Variants in AMIGO2 observed in about 807,000 individuals in gnomAD.
The protein encoded by AMIGO2 is adhesion molecule with Ig like domain 2.
A neutral mutation model predicts 23.7 loss-of-function variants in AMIGO2; 15 were observed. The ratio of observed to expected loss-of-function variants is 0.63; its 90% CI spans 0.42 to 0.98. The LOEUF is 0.98. Among genes scored for constraint, AMIGO2 ranks in the 50% least tolerant of loss-of-function variants. The pLI, the probability that AMIGO2 is intolerant of heterozygous loss-of-function variation, is 0.00. For synonymous variants in AMIGO2, 264 were observed against 252.3 expected (o/e 1.05, Z -0.44); for missense variants, 561 against 633.1 (o/e 0.89, Z 1.22).
chr12:47,078,970 C>G lies in AMIGO2; in HGVS notation c.33G>C (p.Leu11=). The G allele has an allele frequency of 6.2e-7, 1 of 1,612,306 alleles. No individual in the cohort carries two copies. Among genetic ancestry groups the G allele is most frequent in the African/African-American group, 1.3e-5 (1 of 75,002 alleles). The change falls in exon 3 of 3, where the codon CTG becomes CTC. Residue 11 remains leucine (L), a synonymous_variant. Coordinates refer to ENST00000550413, the MANE Select transcript of AMIGO2 (RefSeq NM_001370299.1). Reference sequence around the variant, plus strand: ...AGCCCGGTCTGACGACGGCTCCAAGCAGGGTGGGCAGAGTGTGTACACGTA... The same window carrying G: ...AGCCCGGTCTGACGACGGCTCCAAGGAGGGTGGGCAGAGTGTGTACACGTA... MSLRVHTLPT[L]LGAVVRPGCR... is the part of the protein sequence containing the mutation.
downstream of AMIGO2, chr12:47,075,867 T>C (rs1189674348): frequency 6.6e-6 from 1 of 152,152 alleles, no homozygotes; most frequent in East Asian, 1.9e-4. Context: ...TTTATGCCCA[T>C]CCCTTAAAAA....
rs1387079454 is a variant in AMIGO2, at chr12:47,078,788, C to G, written c.215G>C (p.Arg72Thr). Reference sequence around the variant, plus strand: ...AATTCTGTTATAACTCAGGTCCAGTCTCTTAATCAGTCTGAAAAGGTTCCC... The same window carrying G: ...AATTCTGTTATAACTCAGGTCCAGTGTCTTAATCAGTCTGAAAAGGTTCCC... ...VPGNLFRLIK[R>T]LDLSYNRIGL... Residue 72 changes from arginine to threonine, a missense_variant, in exon 3 of 3, where the codon AGA (arginine) becomes ACA (threonine). Physicochemically the swap from Arg to Thr is moderately conservative, Grantham distance 71 (BLOSUM62 -1). Coordinates refer to ENST00000550413, the MANE Select transcript of AMIGO2 (RefSeq NM_001370299.1). 6.2e-7 allele frequency: 1 copy of G among 1,614,216 alleles called. No individual in the cohort carries two copies. The highest frequency in any genetic ancestry group is 1.3e-5 in the African/African-American group (1 of 75,046).
chr12:47,076,381 G>A (rs774378407), downstream of AMIGO2: 75 of 152,106 alleles, frequency 4.9e-4, no homozygotes, highest in Non-Finnish European at 5.3e-4. Flanking sequence ...TCATACGGAA[G>A]GTATAAATTG....
At position 47,079,028 on chromosome 12, in the gene AMIGO2, GGTGTCTTTTC is replaced by G; in HGVS notation, c.-36_-27del. On this transcript the variant is annotated 5_prime_UTR_variant, in exon 3 of 3. Coordinates refer to ENST00000550413, the MANE Select transcript of AMIGO2 (RefSeq NM_001370299.1). ...TATGGTCGCCTCTGAGTCTCTTCCC[GGTGTCTTTTC>G]CACCGGCTCAGCCTCCCACCAGTGA... The G allele has an allele frequency of 6.5e-7, 1 of 1,536,888 alleles. No individual in the cohort carries two copies. The highest frequency in any genetic ancestry group is 8.8e-7 in the Non-Finnish European group (1 of 1,142,418).
In AMIGO2 at chr12:47,078,893, G is replaced by A; in HGVS notation, c.110C>T (p.Ala37Val). Residue 37 changes from alanine (A) to valine (V), a missense_variant, in exon 3 of 3, where the codon GCC (alanine) becomes GTC (valine). Transcript: ENST00000550413. ...LMITVTVGPGASGVCPTACIC... is the reference protein window; with the variant it reads ...LMITVTVGPGVSGVCPTACIC... ...GCAAGCGGTGGGGCACACCCCAGAG[G>A]CACCAGGGCCCACAGTCACTGTGAT... 1.2e-6 allele frequency: 2 copies of A among 1,614,164 alleles called. No homozygotes were observed. The highest frequency in any genetic ancestry group is 2.2e-5 in the South Asian group (2 of 91,080).
rs1035104121 is a variant in AMIGO2 at position 47,077,212 on chromosome 12, G to A, written c.*222C>T. 3.4e-6 allele frequency: 2 copies of A among 586,470 alleles called. No individual in the cohort carries two copies. The highest frequency in any genetic ancestry group is 3.7e-5 in the African/African-American group (2 of 53,630). The allele number at this position is 586,470 out of a possible 1,614,324, so 36.3% of individuals were successfully genotyped here. Reference sequence around the variant, plus strand: ...CAATAGTGCTAAAAGCTAAGATATTGTGATCTAGAACTTAAACTTTGGAAA... The same window carrying A: ...CAATAGTGCTAAAAGCTAAGATATTATGATCTAGAACTTAAACTTTGGAAA... On this transcript the variant is annotated 3_prime_UTR_variant, in exon 3 of 3. Transcript: ENST00000550413.
Position 47,078,857 on chromosome 12 carries a change from G to C in AMIGO2, c.146C>G (p.Thr49Ser). The change falls in exon 3 of 3, where the codon ACT becomes AGT. Residue 49 changes from threonine (T) to serine (S), a missense_variant. Thr to Ser is a moderately conservative substitution (Grantham distance 58). Coordinates refer to ENST00000550413, the MANE Select transcript of AMIGO2 (RefSeq NM_001370299.1). Reference protein sequence around the residue: ...GVCPTACICATDIVSCTNKNL... With the variant: ...GVCPTACICASDIVSCTNKNL... ...TTTGTTGGTGCAGCTGACGATGTCA[G>C]TGGCACAGATGCAAGCGGTGGGGCA... 1 of 1,614,222 alleles carries C rather than the reference G, an allele frequency of 6.2e-7. No individual in the cohort carries two copies.
downstream of AMIGO2, chr12:47,076,332 G>A (rs1025912383): frequency 9.9e-5 from 15 of 152,210 alleles, no homozygotes; most frequent in Non-Finnish European, 2.1e-4. Context: ...AGTGTTTTCT[G>A]GATCTGGCTA....
Position 47,078,822 on chromosome 12 carries a change from T to G in AMIGO2, c.181A>C (p.Lys61Gln). The change falls in exon 3 of 3, where the codon AAG becomes CAG. Residue 61 changes from lysine (K) to glutamine (Q), a missense_variant. Lys to Gln is a moderately conservative substitution (Grantham distance 53). Transcript: ENST00000550413. ...IVSCTNKNLS[K>Q]VPGNLFRLIK... ...AGTCTGAAAAGGTTCCCAGGCACCT[T>G]GGACAGGTTTTTGTTGGTGCAGCTG... 1 of 1,614,222 alleles carries G rather than the reference T, an allele frequency of 6.2e-7. No homozygotes were observed. Among genetic ancestry groups the G allele is most frequent in the Non-Finnish European group, 8.5e-7 (1 of 1,180,038 alleles).
Position 47,078,460 on chromosome 12 carries a change from C to G in AMIGO2, c.543G>C (p.Pro181=). 1 of 1,614,164 alleles carries G rather than the reference C, an allele frequency of 6.2e-7. No individual in the cohort carries two copies. The highest frequency in any genetic ancestry group is 8.5e-7 in the Non-Finnish European group (1 of 1,180,036). Residue 181 remains proline (P), a synonymous_variant, in exon 3 of 3, where the codon CCG becomes CCC. Transcript: ENST00000550413. The part of the protein sequence containing the change: ...YLSGNFLTQF[P]MDLYVGRFKL... Reference sequence around the variant, plus strand: ...TGAACCTTCCAACATACAAATCCATCGGAAACTGTGTGAGAAAATTTCCAC... The same window carrying G: ...TGAACCTTCCAACATACAAATCCATGGGAAACTGTGTGAGAAAATTTCCAC...
At position 47,077,556 on chromosome 12, in the gene AMIGO2, CT is replaced by C; in HGVS notation, c.1446del (p.Val483SerfsTer9). The C allele has an allele frequency of 1.2e-6, 2 of 1,614,228 alleles. No homozygotes were observed. Among genetic ancestry groups the C allele is most frequent in the Non-Finnish European group, 1.7e-6 (2 of 1,180,028 alleles). On this transcript the variant is annotated frameshift_variant, in exon 3 of 3. Transcript: ENST00000550413. LOFTEE classifies it high-confidence loss of function. ...LKDTAAGQNG[K>X]VRLFPSEAVI... ...ACTGCCTCGCTGGGAAAGAGCCTGA[CT>C]TTCCCGTTCTGCCCTGCTGCAGTAT...
Position 47,077,968 on chromosome 12 carries a change from A to C in AMIGO2, c.1035T>G (p.Asn345Lys). The C allele has an allele frequency of 6.2e-7, 1 of 1,613,858 alleles. No homozygotes were observed. The highest frequency in any genetic ancestry group is 8.5e-7 in the Non-Finnish European group (1 of 1,180,034). ...GAGGGCTTTCTATAACCAGACTTCCATTGTGAAACACGTAAAAGTTTTCCA... is the reference window on the plus strand; with the variant it reads ...GAGGGCTTTCTATAACCAGACTTCCCTTGTGAAACACGTAAAAGTTTTCCA... ...KEMENFYVFH[N>K]GSLVIESPRF... is the part of the protein sequence containing the mutation. The change falls in exon 3 of 3, where the codon AAT becomes AAG. Residue 345 changes from asparagine to lysine, a missense_variant. Physicochemically the swap from Asn to Lys is moderately conservative, Grantham distance 94. Transcript: ENST00000550413.
downstream of AMIGO2, chr12:47,075,909 C>T (rs906358366): frequency 1.5e-4 from 23 of 152,090 alleles, no homozygotes; most frequent in Non-Finnish European, 2.9e-5. Context: ...CAATCTTCAC[C>T]AGGGAGAATG....
rs1200131180 is a variant in AMIGO2, at chr12:47,077,491, A to G, written c.1512T>C (p.Ser504=). The change falls in exon 3 of 3, where the codon TCT becomes TCC. Residue 504 remains serine (S), a synonymous_variant. Transcript: ENST00000550413. The stretch of plus-strand genomic sequence containing the variant: ...ACACTGAATTGACTGAATCTGAGTC[A>G]GATTTCCCCCTCGTGGACTTTAGGA... ...EGILKSTRGK[S]DSDSVNSVFS... 3.7e-6 allele frequency: 6 copies of G among 1,614,202 alleles called. No homozygotes were observed. The highest frequency in any genetic ancestry group is 1.1e-5 in the South Asian group (1 of 91,078).
At position 47,077,946 on chromosome 12, in the gene AMIGO2, G is replaced by C. The variant is rs1301661187; in HGVS notation, c.1057C>G (p.Pro353Ala). 1 of 1,613,772 alleles carries C rather than the reference G, an allele frequency of 6.2e-7. No individual in the cohort carries two copies. The highest frequency in any genetic ancestry group is 1.1e-5 in the South Asian group (1 of 91,080). Residue 353 changes from proline to alanine, a missense_variant, in exon 3 of 3, where the codon CCT (proline) becomes GCT (alanine). Transcript: ENST00000550413. ...TACACTCCAGCATCCTCAAAACGAG[G>C]GCTTTCTATAACCAGACTTCCATTG... ...FHNGSLVIESPRFEDAGVYSC... is the reference protein window; with the variant it reads ...FHNGSLVIESARFEDAGVYSC...
At position 47,077,505 on chromosome 12, in the gene AMIGO2, T is replaced by A; in HGVS notation, c.1498A>T (p.Thr500Ser). 3 of 1,614,218 alleles carry A rather than the reference T, an allele frequency of 1.9e-6. No homozygotes were observed. In the African/African-American group the frequency reaches 4.0e-5, roughly 22 times the overall value. ...AVIAEGILKS[T>S]RGKSDSDSVN... ...GAATCTGAGTCAGATTTCCCCCTCG[T>A]GGACTTTAGGATGCCCTCAGCTATC... is the stretch of plus-strand genomic sequence containing the variant. The change falls in exon 3 of 3, where the codon ACG (threonine) becomes TCG (serine). Residue 500 changes from threonine (T) to serine (S), a missense_variant. By Grantham distance (58) the Thr-to-Ser change is moderately conservative. Transcript: ENST00000550413.
At chr12:47,075,901 A>G (rs1023584637), downstream of AMIGO2, 3 of 152,248 alleles carry the variant, frequency 2.0e-5, no homozygotes, top group South Asian at 2.1e-4. Context: ...TGGACCTCCA[A>G]TCTTCACCAG....
At position 47,078,767 on chromosome 12, in the gene AMIGO2, C is replaced by A; in HGVS notation, c.236G>T (p.Arg79Ile). 1.2e-6 allele frequency: 2 copies of A among 1,614,206 alleles called. No individual in the cohort carries two copies. The highest frequency in any genetic ancestry group is 1.7e-6 in the Non-Finnish European group (2 of 1,180,038). Reference sequence around the variant, plus strand: ...CCACTCAGAATCCAGAAGCCCAATTCTGTTATAACTCAGGTCCAGTCTCTT... The same window carrying A: ...CCACTCAGAATCCAGAAGCCCAATTATGTTATAACTCAGGTCCAGTCTCTT... Reference protein sequence around the residue: ...LIKRLDLSYNRIGLLDSEWIP... With the variant: ...LIKRLDLSYNIIGLLDSEWIP... The change falls in exon 3 of 3, where the codon AGA (arginine) becomes ATA (isoleucine). Residue 79 changes from arginine to isoleucine, a missense_variant. Arg to Ile is a moderately conservative substitution (Grantham distance 97). Transcript: ENST00000550413.
Position 47,078,854 on chromosome 12 carries a change from T to C in AMIGO2, c.149A>G (p.Asp50Gly), listed in dbSNP as rs779759742. ...GTTTTTGTTGGTGCAGCTGACGATG[T>C]CAGTGGCACAGATGCAAGCGGTGGG... is the stretch of plus-strand genomic sequence containing the variant. ...VCPTACICAT[D>G]IVSCTNKNLS... is the part of the protein sequence containing the mutation. Residue 50 changes from aspartate to glycine, a missense_variant, in exon 3 of 3, where the codon GAC (aspartate) becomes GGC (glycine). Transcript: ENST00000550413. The C allele has an allele frequency of 2.5e-6, 4 of 1,614,228 alleles. No individual in the cohort carries two copies. In the Admixed American group the frequency reaches 6.7e-5, roughly 27 times the overall value.
Sources: gnomAD v4.1 joint callset for allele counts on GRCh38, gnomAD v4.1.1 for gene constraint, MANE v1.5 for transcripts, NCBI Gene and HGNC (gene_info 2026-07-23, HGNC 2026-07-21) for gene names.